The following TAP2 variants were observed in gnomAD, a reference collection of about 807,000 sequenced individuals.
The protein encoded by TAP2 is transporter 2, ATP binding cassette subfamily B member, also known as antigen peptide transporter 2.
A neutral mutation model predicts 74.7 loss-of-function variants in TAP2; 49 were observed. The observed-to-expected ratio is 0.66, with a 90% CI of 0.52 to 0.83. TAP2 has a LOEUF of 0.83. Ranked by LOEUF, TAP2 falls within the 40% of genes least tolerant of loss-of-function variation. The pLI, the probability that TAP2 is intolerant of heterozygous loss-of-function variation, is 0.00. For synonymous variants in TAP2, 306 were observed against 368.4 expected (o/e 0.83, Z 1.94); for missense variants, 739 against 859.0 (o/e 0.86, Z 1.75).
At chr6:32,829,685 G>C in intron 10 of TAP2, 149 bp from the exon 11 acceptor site, 1 of 1,327,598 alleles carries the variant, frequency 7.5e-7, no homozygotes, top group South Asian at 1.2e-5. Flanking sequence ...GAGGGCCATG[G>C]GGTGGGGACC....
rs750160800 is a variant in TAP2, at chr6:32,837,919, C to G, written c.315G>C (p.Gly105=). The part of the protein sequence containing the change: ...ASAPWSWLLV[G]YGAAGLSWSL... ...ACCAGCTGAGCCCCGCAGCCCCGTA[C>G]CCCACCAGCAGCCAGCTCCAAGGGG... Residue 105 remains glycine (G), a synonymous_variant, in exon 2 of 12, where the codon GGG becomes GGC. Transcript: ENST00000374897. 6.2e-7 allele frequency: 1 copy of G among 1,613,010 alleles called. No individual in the cohort carries two copies. Among genetic ancestry groups the G allele is most frequent in the Non-Finnish European group, 8.5e-7 (1 of 1,180,000 alleles).
At chr6:32,822,470 T>C, downstream of TAP2, 1 of 628,186 alleles carries the variant, frequency 1.6e-6, no homozygotes, top group Non-Finnish European at 2.8e-6. Context: ...TGTCATAGTT[T>C]AACATCAATA....
chr6:32,826,390 C>T lies in TAP2; in HGVS notation c.*2516G>A, dbSNP rs1768651207. 1.2e-5 allele frequency: 12 copies of T among 985,230 alleles called. No homozygotes were observed. The highest frequency in any genetic ancestry group is 1.7e-5 in the African/African-American group (1 of 57,190). The allele number at this position is 985,230 out of a possible 1,614,324, so 61.0% of individuals were successfully genotyped here. A position where few individuals can be genotyped will look rare whatever the true frequency, so the allele number is the denominator to read the frequency against. On this transcript the variant is annotated 3_prime_UTR_variant, in exon 12 of 12. Coordinates refer to ENST00000374897, the MANE Select transcript of TAP2 (RefSeq NM_001290043.2). ...AAGGCATGCCTGGGTGGGAAAGATA[C>T]TGCAGGTAAGCGACAAGAAGGGGAA... is the stretch of plus-strand genomic sequence containing the variant.
chr6:32,825,944 G>C lies in TAP2; in HGVS notation c.*2962C>G, dbSNP rs73410789. On this transcript the variant is annotated 3_prime_UTR_variant, in exon 12 of 12. Transcript: ENST00000374897. ...TAAGAAGACAGGTTTCAGATACTTG[G>C]CACAGCAATAGCACATAGTAAGCAC... The C allele has an allele frequency of 0.026, 24,560 of 959,992 alleles. 366 individuals are homozygous for C. Among genetic ancestry groups the C allele is most frequent in the East Asian group, 0.03 (264 of 8,688 alleles). The allele number at this position is 959,992 out of a possible 1,614,324, so 59.5% of individuals were successfully genotyped here.
intron 5 of TAP2, among the ~76,000 whole-genome samples, chr6:32,834,624 A>G (rs1347543037): frequency 6.6e-6 from 1 of 152,242 alleles, no homozygotes; most frequent in African/African-American, 2.4e-5. Context: ...TGTACACTTC[A>G]AATGGTTGAA....
In TAP2 at chr6:32,835,376, A is replaced by C. The variant is rs1208461950; in HGVS notation, c.740-17T>G. ...TCAGCTCCCCTAAGAAGGACAGAGCAGGTGAGGAAAAAGGAAACCATGTGT... is the reference window on the plus strand; with the variant it reads ...TCAGCTCCCCTAAGAAGGACAGAGCCGGTGAGGAAAAAGGAAACCATGTGT... On this transcript the variant is annotated splice_polypyrimidine_tract_variant and intron_variant, in intron 4 of 11. Transcript: ENST00000374897. This position sits in a 1 kb window ranked among gnomAD's most constrained non-coding sequence, Gnocchi z 4.0. 6 of 1,612,900 alleles carry C rather than the reference A, an allele frequency of 3.7e-6. No individual in the cohort carries two copies. Among genetic ancestry groups the C allele is most frequent in the Non-Finnish European group, 5.1e-6 (6 of 1,179,974 alleles).
rs189210220 is a variant in TAP2, at chr6:32,832,781, T to C, written c.989A>G (p.Gln330Arg). The C allele has an allele frequency of 2.5e-6, 4 of 1,613,008 alleles. No individual in the cohort carries two copies. The highest frequency in any genetic ancestry group is 1.3e-5 in the African/African-American group (1 of 75,052). The change falls in exon 6 of 12, where the codon CAG (glutamine) becomes CGG (arginine). Residue 330 changes from glutamine (Q) to arginine (R), a missense_variant. Physicochemically the swap from Gln to Arg is conservative, Grantham distance 43. Coordinates refer to ENST00000374897, the MANE Select transcript of TAP2 (RefSeq NM_001290043.2). This position sits in a 1 kb window ranked among gnomAD's most constrained non-coding sequence, Gnocchi z 5.9. ...CCCTCCAACGGCTTCCCGCACCACC[T>C]GCCCCGCCCTGGCCACTGCATCCTG... ...EIQDAVARAG[Q>R]VVREAVGGLQ... is the part of the protein sequence containing the mutation.
rs375219543 is a variant in TAP2 at position 32,830,615 on chromosome 6, C to A, written c.1461+3G>T. 2.5e-6 allele frequency: 4 copies of A among 1,612,934 alleles called. No homozygotes were observed. In the African/African-American group the frequency reaches 4.0e-5, roughly 16 times the overall value. ...GTCCAGGTTTCCTCCCTCTTTCAGG[C>A]ACCTTGAGCACAGGCCTGTCAGGGC... On this transcript the variant is annotated splice_donor_region_variant and intron_variant, in intron 8 of 11. Coordinates refer to ENST00000374897, the MANE Select transcript of TAP2 (RefSeq NM_001290043.2).
rs767714464 is a variant in TAP2, at chr6:32,835,729, A to G, written c.653T>C (p.Met218Thr). 6.2e-7 allele frequency: 1 copy of G among 1,613,030 alleles called. No individual in the cohort carries two copies. Among genetic ancestry groups the G allele is most frequent in the Non-Finnish European group, 8.5e-7 (1 of 1,180,038 alleles). The change falls in exon 4 of 12, where the codon ATG becomes ACG. Residue 218 changes from methionine (M) to threonine (T), a missense_variant. Physicochemically the swap from Met to Thr is moderately conservative, Grantham distance 81. Transcript: ENST00000374897. This position sits in a 1 kb window ranked among gnomAD's most constrained non-coding sequence, Gnocchi z 4.0. Reference protein sequence around the residue: ...GCRGGCFTYTMSRINLRIREQ... With the variant: ...GCRGGCFTYTTSRINLRIREQ... ...CCGGATCCGCAAGTTGATTCGAGAC[A>G]TGGTGTAGGTGAAGCAGCCTCCTCG...
In TAP2 at chr6:32,838,150, C is replaced by T; in HGVS notation, c.84G>A (p.Gly28=). 6.2e-7 allele frequency: 1 copy of T among 1,604,540 alleles called. No homozygotes were observed. The highest frequency in any genetic ancestry group is 8.5e-7 in the Non-Finnish European group (1 of 1,174,998). ...CTGGCAGCCCTTGAGGAAGCAAAGT[C>T]CCCAGAGGGCCCTGAAGCAGCCACA... The part of the protein sequence containing the change: ...ALLWLLQGPL[G]TLLPQGLPGL... Residue 28 remains glycine, a synonymous_variant, in exon 2 of 12, where the codon GGG becomes GGA. Coordinates refer to ENST00000374897, the MANE Select transcript of TAP2 (RefSeq NM_001290043.2).
chr6:32,830,667 T>A lies in TAP2; in HGVS notation c.1412A>T (p.Gln471Leu). Residue 471 changes from glutamine (Q) to leucine (L), a missense_variant, in exon 8 of 12, where the codon CAA (glutamine) becomes CTA (leucine). Physicochemically the swap from Gln to Leu is moderately radical, Grantham distance 113. Transcript: ENST00000374897. ...PTTLQGVVKF[Q>L]DVSFAYPNRP... ...ATTGGGATATGCAAAGGAGACGTCTTGGAATTTCACAACCCCCTGCAGAGT... is the reference window on the plus strand; with the variant it reads ...ATTGGGATATGCAAAGGAGACGTCTAGGAATTTCACAACCCCCTGCAGAGT... 1.2e-6 allele frequency: 2 copies of A among 1,613,070 alleles called. No homozygotes were observed. The highest frequency in any genetic ancestry group is 1.7e-6 in the Non-Finnish European group (2 of 1,180,032).
chr6:32,832,830 A>G lies in TAP2; in HGVS notation c.946-6T>C. On this transcript the variant is annotated splice_region_variant and splice_polypyrimidine_tract_variant and intron_variant, in intron 5 of 11. Transcript: ENST00000374897. The surrounding 1 kb of genome is among the most constrained non-coding windows in gnomAD (Gnocchi z 5.9). ...TGGATCTCCCGAAGCACTTCCTGGA[A>G]AAGAGGGCCAGCAAACACCAGGGCT... is the stretch of plus-strand genomic sequence containing the variant. 1 of 1,611,682 alleles carries G rather than the reference A, an allele frequency of 6.2e-7. No individual in the cohort carries two copies. Among genetic ancestry groups the G allele is most frequent in the South Asian group, 1.1e-5 (1 of 91,078 alleles).
intron 7 of TAP2, among the ~76,000 whole-genome samples, 172 bp from the exon 8 acceptor site, chr6:32,830,978 C>T (rs1010232569): frequency 1.9e-4 from 29 of 152,184 alleles, no homozygotes; most frequent in Admixed American, 1.0e-3. Context: ...GGCACCAATA[C>T]CCCAGTGTTC....
intron 3 of TAP2, 71 bp downstream of exon 3, chr6:32,837,466 T>C (rs1769488461): frequency 1.5e-6 from 2 of 1,295,582 alleles, no homozygotes; most frequent in Non-Finnish European, 2.2e-6. Context: ...GGCCTAGAAA[T>C]GGAGTTAGGG....
Position 32,834,276 on chromosome 6 carries a change from T to A in TAP2, c.945+878A>T, listed in dbSNP as rs112234641. ...ATGAATGGATAATCAAAATGTGATA[T>A]ATGCACACAACAGAATATTATTCAG... On this transcript the variant is annotated intron_variant, in intron 5 of 11. Coordinates refer to ENST00000374897, the MANE Select transcript of TAP2 (RefSeq NM_001290043.2). 5.5e-3 allele frequency among the ~76,000 whole-genome samples: 844 copies of A among 152,360 alleles called. 12 individuals are homozygous for A. Among genetic ancestry groups the A allele is most frequent in the African/African-American group, 0.019 (802 of 41,576 alleles).
intron 5 of TAP2, among the ~76,000 whole-genome samples, chr6:32,834,404 G>C (rs1249090280): frequency 3.9e-5 from 6 of 152,210 alleles, no homozygotes; most frequent in Non-Finnish European, 8.8e-5. Context: ...AATACTGTAT[G>C]GTTCCACTTA....
In TAP2 at chr6:32,828,677, C is replaced by CT. The variant is rs28381589; in HGVS notation, c.*228_*229insA. 0.21 allele frequency: 197,733 copies of CT among 957,956 alleles called. 20,603 individuals carry two copies. Among genetic ancestry groups the CT allele is most frequent in the South Asian group, 0.28 (6,965 of 24,570 alleles). 59.3% of individuals were successfully genotyped at this position (957,956 alleles called of 1,614,324 possible). ...ATTAAGTTTCCTGGACACAGACAGC[C>CT]CCCACCCCACCCCACCCCACCTCTC... On this transcript the variant is annotated 3_prime_UTR_variant, in exon 12 of 12. Coordinates refer to ENST00000374897, the MANE Select transcript of TAP2 (RefSeq NM_001290043.2).
rs2127367120 is a variant in TAP2 at position 32,837,658 on chromosome 6, G to A, written c.494-7C>T. 1 of 1,614,164 alleles carries A rather than the reference G, an allele frequency of 6.2e-7. No individual in the cohort carries two copies. The highest frequency in any genetic ancestry group is 1.1e-5 in the South Asian group (1 of 91,082). On this transcript the variant is annotated splice_polypyrimidine_tract_variant and splice_region_variant and intron_variant, in intron 2 of 11. Transcript: ENST00000374897. ...TGAGGGATTAATGTCTCACCTGAAA[G>A]AGGCATGAAAAATAACACAAGAATG... is the stretch of plus-strand genomic sequence containing the variant.
rs1562322745 is a variant in TAP2, at chr6:32,828,738, T to A, written c.*168A>T. 7.5e-6 allele frequency: 8 copies of A among 1,061,504 alleles called. No homozygotes were observed. The highest frequency in any genetic ancestry group is 7.9e-6 in the Non-Finnish European group (7 of 881,016). The allele number at this position is 1,061,504 out of a possible 1,614,324, so 65.8% of individuals were successfully genotyped here. On this transcript the variant is annotated 3_prime_UTR_variant, in exon 12 of 12. Transcript: ENST00000374897. ...AAAGCACACAGTGTCCAAATCTCCA[T>A]CGTGCCTGCAACTCAGGAACAGCTA... is the stretch of plus-strand genomic sequence containing the variant.
Sources: allele counts gnomAD v4.1 joint callset (sites outside exome capture counted in the v4.1 genomes callset), GRCh38; gene constraint gnomAD v4.1.1; non-coding constraint Gnocchi (gnomAD v3.1); transcripts MANE v1.5; gene names NCBI Gene and HGNC (gene_info 2026-07-23, HGNC 2026-07-21).